Variants in PPP2R3C observed in about 807,000 individuals in gnomAD.
PPP2R3C encodes protein phosphatase 2 regulatory subunit B''gamma.
A neutral mutation model predicts 63.7 loss-of-function variants in PPP2R3C; 47 were observed. The observed-to-expected ratio is 0.74, with a 90% CI of 0.58 to 0.94. PPP2R3C has a LOEUF of 0.94. Ranked by LOEUF, PPP2R3C falls within the 40% of genes least tolerant of loss-of-function variation. The pLI, the probability that PPP2R3C is intolerant of heterozygous loss-of-function variation, is 0.00. For missense variants in PPP2R3C, 421 were observed against 518.4 expected, an observed-to-expected ratio of 0.81 and a Z score of 1.82; for synonymous variants, 180 against 177.4, an observed-to-expected ratio of 1.01 and a Z score of -0.12.
At chr14:35,095,732 C>T (rs1164287408) in intron 9 of PPP2R3C, among the ~76,000 whole-genome samples, 3 of 150,860 alleles carry the variant, frequency 2.0e-5, no homozygotes, top group African/African-American at 4.9e-5. Context: ...CGCCTGTAAT[C>T]CCAGGTACTT....
chr14:35,099,459 T>C, intron 6 of PPP2R3C, 75 bp from the exon 7 acceptor site: 2 of 1,466,888 alleles, frequency 1.4e-6, no homozygotes, highest in Non-Finnish European at 9.1e-7. Context: ...TTACTAAAAA[T>C]TATTCAGCAT....
At position 35,093,851 on chromosome 14, in the gene PPP2R3C, C is replaced by T. The variant is rs574346740; in HGVS notation, c.975+1197G>A. Among the ~76,000 whole-genome samples, 6 of 152,260 alleles carry T rather than the reference C, an allele frequency of 3.9e-5. No homozygotes were observed. In the South Asian group the frequency reaches 1.0e-3, roughly 26 times the overall value. ...TATTTTTAGTAGAGACGGGGTTTCA[C>T]CGTGTTAGCCAGGATGGTCTCCATC... On this transcript the variant is annotated intron_variant, in intron 10 of 12. Transcript: ENST00000261475.
At chr14:35,117,143 T>TG in intron 1 of PPP2R3C, 1 of 455,926 alleles carries the variant, frequency 2.2e-6, no homozygotes, top group Non-Finnish European at 4.4e-6. Context: ...CCTGACCTCA[T>TG]GGAGTTTCAG....
At chr14:35,122,047 G>A (rs1307666562), upstream of PPP2R3C, 8 of 1,475,520 alleles carry the variant, frequency 5.4e-6, no homozygotes, top group Non-Finnish European at 6.6e-6. Context: ...GCCAGGCCCC[G>A]TAAAGGTTAG....
intron 4 of PPP2R3C, 107 bp from the exon 5 acceptor site, chr14:35,108,343 A>AAT: frequency 7.5e-7 from 1 of 1,333,958 alleles, no homozygotes; most frequent in Non-Finnish European, 9.8e-7. Context: ...AAAATGAAAG[A>AAT]ACAATAGAGA....
intron 2 of PPP2R3C, among the ~76,000 whole-genome samples, chr14:35,115,124 C>T (rs1234852016): frequency 6.6e-6 from 1 of 151,506 alleles, no homozygotes; most frequent in African/African-American, 2.4e-5. Context: ...GCGAATTGCC[C>T]TACCATTGCC....
At chr14:35,107,563 A>G (rs34345349) in intron 5 of PPP2R3C, 189 bp from the exon 6 acceptor site, 12,641 of 563,808 alleles carry the variant, frequency 0.022, 248 homozygotes, top group Non-Finnish European at 0.027. Flanking sequence ...GACTAAAGCT[A>G]TAATAAAATT....
chr14:35,108,719 G>C (rs2046442095), intron 4 of PPP2R3C, among the ~76,000 whole-genome samples: 1 of 151,830 alleles, frequency 6.6e-6, no homozygotes, highest in Non-Finnish European at 1.5e-5. Context: ...ATAGTGAGCT[G>C]AGATTGCGCC....
In PPP2R3C at chr14:35,121,913, G is replaced by A. The variant is rs148021091; in HGVS notation, c.47C>T (p.Thr16Ile). Residue 16 changes from threonine (T) to isoleucine (I), a missense_variant, in exon 1 of 13, where the codon ACC becomes ATC. Thr to Ile is a moderately conservative substitution (Grantham distance 89). Coordinates refer to ENST00000261475, the MANE Select transcript of PPP2R3C (RefSeq NM_017917.4). ...CTCCCAAAACTCACTGTTTGGACAG[G>A]TGTTGGGCGTCGCTAGGCGCCGACG... is the stretch of plus-strand genomic sequence containing the variant. ...VLRRRLATPN[T>I]CPNKKKSEQE... 9.3e-6 allele frequency: 15 copies of A among 1,614,066 alleles called. No individual in the cohort carries two copies. The highest frequency in any genetic ancestry group is 1.1e-5 in the Non-Finnish European group (13 of 1,180,030).
chr14:35,090,143 T>G (rs1244710507), intron 11 of PPP2R3C, among the ~76,000 whole-genome samples: 1 of 152,090 alleles, frequency 6.6e-6, no homozygotes, highest in Non-Finnish European at 1.5e-5. Flanking sequence ...ATGTGATAAA[T>G]TCTATACTTG....
At chr14:35,120,071 C>T (rs1425185207) in intron 1 of PPP2R3C, among the ~76,000 whole-genome samples, 1 of 150,744 alleles carries the variant, frequency 6.6e-6, no homozygotes, top group East Asian at 2.0e-4. Flanking sequence ...AGTCTCCTGA[C>T]CTCGTGATCC....
chr14:35,098,416 G>A (rs1053273536), intron 7 of PPP2R3C, among the ~76,000 whole-genome samples: 21 of 142,192 alleles, frequency 1.5e-4, no homozygotes, highest in African/African-American at 5.2e-4. Flanking sequence ...GCAATAACGC[G>A]ATCTCGGCTC....
At chr14:35,097,561 C>T (rs965626045) in intron 7 of PPP2R3C, among the ~76,000 whole-genome samples, 2 of 150,970 alleles carry the variant, frequency 1.3e-5, no homozygotes, top group Non-Finnish European at 2.9e-5. Context: ...CAGCTCACTG[C>T]AATCTCTGCC....
Position 35,116,700 on chromosome 14 carries a change from C to A in PPP2R3C, c.96G>T (p.Met32Ile), listed in dbSNP as rs1330251167. ...CGGAGTAATATTTTGTAAATAAATC[C>A]ATTTCTTCATCTTTTAATTCTTGTT... ...KSEQELKDEE[M>I]DLFTKYYSEW... is the part of the protein sequence containing the mutation. The change falls in exon 2 of 13, where the codon ATG (methionine) becomes ATT (isoleucine). Residue 32 changes from methionine to isoleucine, a missense_variant. Physicochemically the swap from Met to Ile is conservative, Grantham distance 10. Around this residue, in one of 3 missense-constraint regions of PPP2R3C, gnomAD observed 143 missense variants for 151.2 expected, o/e 0.95. Transcript: ENST00000261475. The A allele has an allele frequency of 8.2e-6, 13 of 1,592,196 alleles. No individual in the cohort carries two copies. Among genetic ancestry groups the A allele is most frequent in the South Asian group, 1.1e-5 (1 of 88,450 alleles).
chr14:35,095,807 T>A (rs2045978371), intron 9 of PPP2R3C, among the ~76,000 whole-genome samples: 1 of 132,508 alleles, frequency 7.5e-6, no homozygotes, highest in Non-Finnish European at 1.5e-5. Flanking sequence ...GCCGAGATCA[T>A]GCCACTGGAC....
At chr14:35,088,910 T>G (rs1001985746) in intron 11 of PPP2R3C, among the ~76,000 whole-genome samples, 1 of 152,078 alleles carries the variant, frequency 6.6e-6, no homozygotes, top group African/African-American at 2.4e-5. Context: ...TAAAACAATT[T>G]AATATTCTAA....
chr14:35,121,319 G>A (rs190458180), intron 1 of PPP2R3C, among the ~76,000 whole-genome samples: 1 of 152,082 alleles, frequency 6.6e-6, no homozygotes, highest in Non-Finnish European at 1.5e-5. Context: ...AGAGGTTGCA[G>A]TGAGCGGAGA....
At chr14:35,090,452 G>A (rs565484696) in intron 11 of PPP2R3C, among the ~76,000 whole-genome samples, 34 of 151,868 alleles carry the variant, frequency 2.2e-4, no homozygotes, top group Admixed American at 1.5e-3. Context: ...TGGAGGTTGC[G>A]GCGAGCTATG....
At chr14:35,099,148 T>C in intron 7 of PPP2R3C, 104 bp downstream of exon 7, 1 of 1,340,554 alleles carries the variant, frequency 7.5e-7, no homozygotes, top group Non-Finnish European at 9.7e-7. Context: ...TTAATGGCAG[T>C]GACAGGAAAA....
Sources: gnomAD v4.1 joint callset for allele counts (sites outside exome capture counted in the v4.1 genomes callset) on GRCh38, gnomAD v4.1.1 for gene constraint, gnomAD v4.1.1 regional missense constraint, MANE v1.5 for transcripts, NCBI Gene and HGNC (gene_info 2026-07-23, HGNC 2026-07-21) for gene names.